Variants in DENND1B observed in about 807,000 individuals in gnomAD.
DENND1B encodes DENN domain-containing protein 1B.
A neutral mutation model predicts 90.1 loss-of-function variants in DENND1B; 59 were observed. That is an observed-to-expected ratio of 0.65 (90% CI 0.53 to 0.81). DENND1B has a LOEUF of 0.81. DENND1B is among the 40% of genes least tolerant of loss of function. The pLI, the probability that DENND1B is intolerant of heterozygous loss-of-function variation, is 0.00. For missense variants in DENND1B, 862 were observed against 912.6 expected (o/e 0.94, Z 0.71); for synonymous variants, 337 against 324.6 (o/e 1.04, Z -0.41).
intron 2 of DENND1B, among the ~76,000 whole-genome samples, chr1:197,737,801 A>T (rs957053879): frequency 6.6e-6 from 1 of 152,048 alleles, no homozygotes; most frequent in Non-Finnish European, 1.5e-5. Flanking sequence ...AAAAAGAAAA[A>T]CAAGTAAAGC....
At chr1:197,773,014 A>C (rs900886250) in intron 1 of DENND1B, 82 bp from the exon 2 acceptor site, 2 of 1,170,270 alleles carry the variant, frequency 1.7e-6, no homozygotes, top group African/African-American at 3.1e-5. Flanking sequence ...TCTAAAACTA[A>C]TCTTGTTTTT....
intron 20 of DENND1B, among the ~76,000 whole-genome samples, chr1:197,523,431 C>T (rs1248011931): frequency 6.6e-6 from 1 of 152,234 alleles, no homozygotes; most frequent in Non-Finnish European, 1.5e-5. Flanking sequence ...GAAAGTCCCA[C>T]TCCTAAGGCA....
chr1:197,666,030 C>T (rs1006591468), intron 5 of DENND1B, among the ~76,000 whole-genome samples: 5 of 152,022 alleles, frequency 3.3e-5, no homozygotes, highest in African/African-American at 1.2e-4. Flanking sequence ...ACAAAAGGCA[C>T]CTTTAAGGAG....
Position 197,579,802 on chromosome 1 carries a change from C to T in DENND1B, c.1149+3350G>A, listed in dbSNP as rs114168638. The stretch of plus-strand genomic sequence containing the variant: ...TTCACTTAGATTTGATCTGCAATTA[C>T]ACACATCAACTTATTTAATTTCAAT... On this transcript the variant is annotated intron_variant, in intron 15 of 22. Transcript: ENST00000620048. Among the ~76,000 whole-genome samples the T allele has an allele frequency of 6.0e-3, 915 of 152,232 alleles. 11 individuals are homozygous for T. The highest frequency in any genetic ancestry group is 0.021 in the African/African-American group (885 of 41,554).
rs1200966634 is a variant in DENND1B at position 197,655,722 on chromosome 1, C to T, written c.366+2578G>A. 3.3e-5 allele frequency among the ~76,000 whole-genome samples: 5 copies of T among 151,932 alleles called. No homozygotes were observed. In the East Asian group the frequency reaches 9.7e-4, roughly 29 times the overall value. ...AATTTTTTTGTATTTTTAGTAGAGA[C>T]GGGGTTTCACTGTGTGAGCCAGGAT... On this transcript the variant is annotated intron_variant, in intron 6 of 22. Transcript: ENST00000620048.
chr1:197,769,236 T>C (rs1039040251), intron 2 of DENND1B, among the ~76,000 whole-genome samples: 3 of 152,212 alleles, frequency 2.0e-5, no homozygotes, highest in Admixed American at 6.5e-5. Flanking sequence ...TTTCTCAACA[T>C]CTATTCATTG....
At chr1:197,685,329 G>C (rs1025646824) in intron 3 of DENND1B, among the ~76,000 whole-genome samples, 2 of 152,118 alleles carry the variant, frequency 1.3e-5, no homozygotes, top group African/African-American at 4.8e-5. Context: ...GTCTATACCT[G>C]GTGGTCAGAT....
In DENND1B at chr1:197,510,581, G is replaced by A. The variant is rs1338644420; in HGVS notation, c.2207C>T (p.Ala736Val). 1 of 1,612,668 alleles carries A rather than the reference G, an allele frequency of 6.2e-7. No individual in the cohort carries two copies. Among genetic ancestry groups the A allele is most frequent in the Non-Finnish European group, 8.5e-7 (1 of 1,179,178 alleles). The change falls in exon 23 of 23, where the codon GCC becomes GTC. Residue 736 changes from alanine (A) to valine (V), a missense_variant. Coordinates refer to ENST00000620048, the MANE Select transcript of DENND1B (RefSeq NM_001195215.2). ...TCCAATATCTTCTGAAGTCTCTTTG[G>A]CTTCTTTCCCTTCTTTCTCCCAAGG... Reference protein sequence around the residue: ...FVPWEKEGKEAKETSEDIGLL... With the variant: ...FVPWEKEGKEVKETSEDIGLL...
At chr1:197,630,103 C>A (rs1265054404) in intron 10 of DENND1B, among the ~76,000 whole-genome samples, 1 of 152,060 alleles carries the variant, frequency 6.6e-6, no homozygotes, top group East Asian at 1.9e-4. Flanking sequence ...GGTGGGAATA[C>A]AAAATGGTAC....
intron 20 of DENND1B, among the ~76,000 whole-genome samples, chr1:197,536,164 TG>T (rs772726156): frequency 2.8e-4 from 30 of 106,812 alleles, no homozygotes; most frequent in Middle Eastern, 6.6e-3. Flanking sequence ...GAGAGATAGA[TG>T]AGATGAGATG....
intron 17 of DENND1B, among the ~76,000 whole-genome samples, chr1:197,546,217 A>C (rs1670809095): frequency 6.6e-6 from 1 of 152,188 alleles, no homozygotes; most frequent in Admixed American, 6.5e-5. Flanking sequence ...GATATAATAC[A>C]TCACTTAAAA....
intron 3 of DENND1B, among the ~76,000 whole-genome samples, chr1:197,677,536 T>C (rs1656219530): frequency 6.6e-6 from 1 of 152,160 alleles, no homozygotes; most frequent in Non-Finnish European, 1.5e-5. Context: ...ACTCACCAAG[T>C]CCTTTCATTC....
In DENND1B at chr1:197,505,380, T is replaced by G. The variant is rs754999628; in HGVS notation, c.*5080A>C. ...ATAATGGACCTCAACAAGGCTCACA[T>G]TTGAGAAATGAAATAACAGAGATGA... is the stretch of plus-strand genomic sequence containing the variant. On this transcript the variant is annotated 3_prime_UTR_variant, in exon 23 of 23. Coordinates refer to ENST00000620048, the MANE Select transcript of DENND1B (RefSeq NM_001195215.2). 1 of 151,658 alleles carries G rather than the reference T, an allele frequency of 6.6e-6. No homozygotes were observed. Among genetic ancestry groups the G allele is most frequent in the Non-Finnish European group, 1.5e-5 (1 of 67,760 alleles). 9.4% of individuals were successfully genotyped at this position (151,658 alleles called of 1,614,324 possible).
chr1:197,568,767 A>G (rs1672904232), intron 15 of DENND1B, among the ~76,000 whole-genome samples: 1 of 152,162 alleles, frequency 6.6e-6, no homozygotes, highest in Non-Finnish European at 1.5e-5. Context: ...CCATGTGCAG[A>G]AGAATAAAAT....
At chr1:197,552,420 G>C in intron 16 of DENND1B, 1 of 985,372 alleles carries the variant, frequency 1.0e-6, no homozygotes. Flanking sequence ...AAAAATATCA[G>C]TTTGTAAATT....
intron 2 of DENND1B, among the ~76,000 whole-genome samples, chr1:197,755,816 T>C (rs1654207496): frequency 6.6e-6 from 1 of 152,138 alleles, no homozygotes; most frequent in South Asian, 2.1e-4. Context: ...AACTCCCGTT[T>C]TTAAAACCAT....
chr1:197,724,570 C>T (rs1054860403), intron 2 of DENND1B, among the ~76,000 whole-genome samples: 1 of 151,984 alleles, frequency 6.6e-6, no homozygotes, highest in East Asian at 1.9e-4. Flanking sequence ...TCAGGTCTTG[C>T]CTAACATAAA....
chr1:197,767,952 G>A (rs1374325016), intron 2 of DENND1B, among the ~76,000 whole-genome samples: 1 of 152,158 alleles, frequency 6.6e-6, no homozygotes, highest in Non-Finnish European at 1.5e-5. Context: ...ACAGACTCTG[G>A]ACAGACTACC....
intron 16 of DENND1B, among the ~76,000 whole-genome samples, chr1:197,551,699 C>T (rs565006030): frequency 3.9e-5 from 6 of 152,128 alleles, no homozygotes; most frequent in African/African-American, 9.6e-5. Context: ...ACTAGCCCCA[C>T]GGGTCATAAA....
Sources: gnomAD v4.1 joint callset for allele counts (sites outside exome capture counted in the v4.1 genomes callset) on GRCh38, gnomAD v4.1.1 for gene constraint, MANE v1.5 for transcripts, NCBI Gene and HGNC (gene_info 2026-07-23, HGNC 2026-07-21) for gene names.